Variants in RORA observed in about 807,000 individuals in gnomAD.
The protein encoded by RORA is nuclear receptor ROR-alpha.
RORA carries 7 observed loss-of-function variants against 69.5 expected under a neutral mutation model. The ratio of observed to expected loss-of-function variants is 0.10; its 90% CI spans 0.06 to 0.19. The LOEUF (loss-of-function observed/expected upper bound fraction) is 0.19. Among genes scored for constraint, RORA ranks in the 10% least tolerant of loss-of-function variants. The pLI, the probability that RORA is intolerant of heterozygous loss-of-function variation, is 1.00. For missense variants in RORA, 457 were observed against 663.0 expected (o/e 0.69, Z 3.41); for synonymous variants, 261 against 240.8 (o/e 1.08, Z -0.78).
intron 1 of RORA, among the ~76,000 whole-genome samples, chr15:60,770,514 A>C (rs552623162): frequency 3.4e-4 from 52 of 152,330 alleles, no homozygotes; most frequent in African/African-American, 1.2e-3. Context: ...GTAATTCATG[A>C]GTTTCAGCTA....
In RORA at chr15:60,791,847, C is replaced by A. The variant is rs554359153; in HGVS notation, c.167-113161G>T. 5.3e-4 allele frequency among the ~76,000 whole-genome samples: 81 copies of A among 152,184 alleles called. 1 individual carries two copies. Among genetic ancestry groups the A allele is most frequent in the African/African-American group, 1.9e-3 (77 of 41,522 alleles). On this transcript the variant is annotated intron_variant, in intron 1 of 10. Transcript: ENST00000335670. ...CAAAAATTATTTTCAGAGAAACAAA[C>A]AGAATCTAGGGTCTCTGCAACAATC...
chr15:60,555,334 A>G (rs1459464410), intron 2 of RORA, among the ~76,000 whole-genome samples: 1 of 152,214 alleles, frequency 6.6e-6, no homozygotes, highest in East Asian at 1.9e-4. Context: ...AAAGCCCTTG[A>G]GAGCTCAAGG....
At chr15:61,114,845 G>A (rs1025089049) in intron 1 of RORA, among the ~76,000 whole-genome samples, 3 of 152,200 alleles carry the variant, frequency 2.0e-5, no homozygotes, top group South Asian at 2.1e-4. Flanking sequence ...CAGGGCCTTC[G>A]TATGTTGGCT....
At chr15:60,785,305 G>A (rs2072319680) in intron 1 of RORA, among the ~76,000 whole-genome samples, 1 of 152,182 alleles carries the variant, frequency 6.6e-6, no homozygotes, top group Non-Finnish European at 1.5e-5. Flanking sequence ...ACTTGTGTGG[G>A]TTTGAAACTT....
intron 2 of RORA, among the ~76,000 whole-genome samples, chr15:60,607,410 ATTT>A (rs1350884789): frequency 1.3e-5 from 2 of 152,208 alleles, no homozygotes; most frequent in Non-Finnish European, 2.9e-5. Flanking sequence ...CAGAAAATTA[ATTT>A]TTTATGATGT....
chr15:60,838,906 T>C (rs921069548), intron 1 of RORA, among the ~76,000 whole-genome samples: 19 of 134,980 alleles, frequency 1.4e-4, no homozygotes, highest in Non-Finnish European at 2.0e-4. Flanking sequence ...TTTTTTTTTT[T>C]CAGAGGGTGT....
intron 1 of RORA, among the ~76,000 whole-genome samples, chr15:60,759,485 C>T (rs2071852311): frequency 6.6e-6 from 1 of 152,136 alleles, no homozygotes; most frequent in Non-Finnish European, 1.5e-5. Context: ...TCAGTAGCAA[C>T]CACAATTCCC....
At chr15:60,620,468 G>A (rs932314245) in intron 2 of RORA, among the ~76,000 whole-genome samples, 5 of 152,178 alleles carry the variant, frequency 3.3e-5, no homozygotes, top group Non-Finnish European at 5.9e-5. Flanking sequence ...CAAATGGTAC[G>A]TATTTTTAAA....
chr15:60,745,324 G>A (rs1027696057), intron 1 of RORA, among the ~76,000 whole-genome samples: 2 of 152,166 alleles, frequency 1.3e-5, no homozygotes, highest in African/African-American at 2.4e-5. Context: ...CTCCCCATAC[G>A]TTCCCGTCAC....
chr15:60,726,373 C>G (rs868660928), intron 1 of RORA, among the ~76,000 whole-genome samples: 7 of 152,120 alleles, frequency 4.6e-5, no homozygotes, highest in African/African-American at 1.7e-4. Context: ...CTCGGGATTG[C>G]AAAAACAAAG....
intron 1 of RORA, among the ~76,000 whole-genome samples, chr15:60,846,697 C>A (rs2073269880): frequency 6.6e-6 from 1 of 152,196 alleles, no homozygotes; most frequent in South Asian, 2.1e-4. Context: ...GGTCAAGATG[C>A]CAGCCCACCA....
rs187733459 is a variant in RORA at position 61,003,925 on chromosome 15, C to T, written c.166+225128G>A. Among the ~76,000 whole-genome samples the T allele has an allele frequency of 3.9e-5, 6 of 151,900 alleles. No homozygotes were observed. The East Asian group carries it at 7.8e-4, about 20-fold the overall frequency. ...GGAAAGGAATAAGCCTTGGATACAC[C>T]GCTGTTTCCCTGTCTCTCTCTCACA... On this transcript the variant is annotated intron_variant, in intron 1 of 10. Coordinates refer to ENST00000335670, the MANE Select transcript of RORA (RefSeq NM_134261.3).
In RORA at chr15:61,223,269, G is replaced by A. The variant is rs527738009; in HGVS notation, c.166+5784C>T. Among the ~76,000 whole-genome samples the A allele has an allele frequency of 9.4e-4, 132 of 140,750 alleles. 1 individual carries two copies. Among genetic ancestry groups the A allele is most frequent in the African/African-American group, 3.3e-3 (125 of 37,874 alleles). The allele number at this position is 140,750 out of a possible 152,430, so 92.3% of individuals were successfully genotyped here. ...GCAGAGGTTGTACTGAGCTGAGATC[G>A]TGCCACTGCACTCCAGCCTGGGAGA... On this transcript the variant is annotated intron_variant, in intron 1 of 10. Coordinates refer to ENST00000335670, the MANE Select transcript of RORA (RefSeq NM_134261.3).
At chr15:60,816,581 C>T (rs2072818109) in intron 1 of RORA, among the ~76,000 whole-genome samples, 1 of 143,526 alleles carries the variant, frequency 7.0e-6, no homozygotes, top group Non-Finnish European at 1.5e-5. Context: ...TATTTATATA[C>T]TGTAAACAGT....
At chr15:60,802,914 C>A (rs143746632) in intron 1 of RORA, among the ~76,000 whole-genome samples, 449 of 151,972 alleles carry the variant, frequency 3.0e-3, no homozygotes, top group Non-Finnish European at 4.4e-3. Context: ...GAAGGAAAAC[C>A]CTTACATGTC....
intron 1 of RORA, among the ~76,000 whole-genome samples, chr15:60,729,082 A>T (rs2071398225): frequency 1.3e-5 from 2 of 152,160 alleles, no homozygotes. Flanking sequence ...GGAAGCCAAT[A>T]GGAAAGGCCG....
chr15:60,652,949 C>T (rs1309942879), intron 2 of RORA, among the ~76,000 whole-genome samples: 2 of 152,192 alleles, frequency 1.3e-5, no homozygotes, highest in African/African-American at 4.8e-5. Context: ...GAGCCCATGG[C>T]ACCTGCCAAT....
intron 1 of RORA, among the ~76,000 whole-genome samples, chr15:61,203,651 T>C (rs934271147): frequency 3.3e-5 from 5 of 152,106 alleles, no homozygotes; most frequent in African/African-American, 4.8e-5. Context: ...AAGACAAAAG[T>C]GTCCACGAAC....
chr15:60,531,675 T>G lies in RORA; in HGVS notation c.282+91A>C, dbSNP rs965059766. The G allele has an allele frequency of 1.5e-6, 1 of 689,574 alleles. No homozygotes were observed. Among genetic ancestry groups the G allele is most frequent in the Non-Finnish European group, 2.4e-6 (1 of 410,398 alleles). 42.7% of individuals were successfully genotyped at this position (689,574 alleles called of 1,614,324 possible). On this transcript the variant is annotated intron_variant, in intron 3 of 10. Transcript: ENST00000335670. The surrounding 1 kb of genome is among the most constrained non-coding windows in gnomAD (Gnocchi z 4.8). ...TCTTATCATTCAAAATTCTAAGGAG[T>G]TGAATTTTAAGACATAAGTGGAGAC...
Sources: gnomAD v4.1 joint callset for allele counts (sites outside exome capture counted in the v4.1 genomes callset) on GRCh38, gnomAD v4.1.1 for gene constraint, Gnocchi (gnomAD v3.1) non-coding constraint, MANE v1.5 for transcripts, NCBI Gene and HGNC (gene_info 2026-07-23, HGNC 2026-07-21) for gene names.